The following MEI4 variants were observed in gnomAD, a reference collection of about 807,000 sequenced individuals.
The protein encoded by MEI4 is meiotic double-stranded break formation protein 4.
MEI4 carries 27 observed loss-of-function variants against 31.4 expected under a neutral mutation model. The observed-to-expected ratio is 0.86, with a 90% CI of 0.63 to 1.19. MEI4 has a LOEUF of 1.19. MEI4 is among the 50% of genes most tolerant of loss of function. MEI4 has a pLI of 0.00. For missense variants in MEI4, 329 were observed against 398.9 expected (o/e 0.82, Z 1.49); for synonymous variants, 122 against 145.4 (o/e 0.84, Z 1.16).
At chr6:77,875,355 A>C (rs1205759896) in intron 4 of MEI4, among the ~76,000 whole-genome samples, 1 of 152,258 alleles carries the variant, frequency 6.6e-6, no homozygotes, top group African/African-American at 2.4e-5. Context: ...TTTATGTAGC[A>C]TATAGTAGCC....
At position 77,853,484 on chromosome 6, in the gene MEI4, A is replaced by G. The variant is rs146018746; in HGVS notation, c.900+24422A>G. ...GTGGCCTTAGGAAAAAATGGCATTT[A>G]ATATCTTTAACTCTCAGTTCTTTTG... On this transcript the variant is annotated intron_variant, in intron 4 of 4. Coordinates refer to ENST00000684080, the MANE Select transcript of MEI4 (RefSeq NM_001322247.2). Among the ~76,000 whole-genome samples, 211 of 152,336 alleles carry G rather than the reference A, an allele frequency of 1.4e-3. 1 individual carries two copies. Among genetic ancestry groups the G allele is most frequent in the African/African-American group, 4.4e-3 (185 of 41,578 alleles).
chr6:77,700,010 T>C (rs548137628), intron 2 of MEI4, among the ~76,000 whole-genome samples: 8 of 152,290 alleles, frequency 5.3e-5, no homozygotes, highest in Admixed American at 1.3e-4. Context: ...GCCCCTACTG[T>C]GGGGTGCCTC....
At chr6:77,790,537 C>G (rs1283817938) in intron 3 of MEI4, among the ~76,000 whole-genome samples, 1 of 151,526 alleles carries the variant, frequency 6.6e-6, no homozygotes. Flanking sequence ...CAAACCTGCA[C>G]ATGTACTTCC....
chr6:77,687,747 A>T (rs1298030748), intron 1 of MEI4, among the ~76,000 whole-genome samples: 1 of 152,104 alleles, frequency 6.6e-6, no homozygotes, highest in African/African-American at 2.4e-5. Context: ...GGAGAGATGC[A>T]TAGGGCCATG....
chr6:77,825,096 ATC>A (rs1769913395), intron 3 of MEI4, among the ~76,000 whole-genome samples: 2 of 152,274 alleles, frequency 1.3e-5, no homozygotes, highest in Admixed American at 1.3e-4. Context: ...AATTTGATGT[ATC>A]TGATATTAGA....
At chr6:77,767,100 G>A (rs990877813) in intron 3 of MEI4, among the ~76,000 whole-genome samples, 1 of 152,032 alleles carries the variant, frequency 6.6e-6, no homozygotes, top group African/African-American at 2.4e-5. Flanking sequence ...ACAAACAAAC[G>A]GCTGGGCGCG....
intron 3 of MEI4, among the ~76,000 whole-genome samples, chr6:77,794,522 A>C (rs1769027968): frequency 6.6e-6 from 1 of 152,208 alleles, no homozygotes; most frequent in Non-Finnish European, 1.5e-5. Context: ...GGACGGCGCC[A>C]CTGCACTCCA....
At chr6:77,752,172 G>A (rs1237506620) in intron 2 of MEI4, among the ~76,000 whole-genome samples, 1 of 152,098 alleles carries the variant, frequency 6.6e-6, no homozygotes, top group East Asian at 1.9e-4. Context: ...ATACTGAATG[G>A]GCAAAAACTA....
intron 2 of MEI4, among the ~76,000 whole-genome samples, chr6:77,760,814 T>C (rs1371904350): frequency 2.0e-5 from 3 of 152,216 alleles, no homozygotes; most frequent in Admixed American, 1.3e-4. Context: ...ACTACCAGAC[T>C]GTGACCTCCT....
At chr6:77,793,601 A>C (rs749901115) in intron 3 of MEI4, among the ~76,000 whole-genome samples, 1 of 152,226 alleles carries the variant, frequency 6.6e-6, no homozygotes, top group African/African-American at 2.4e-5. Context: ...ATGGATACAC[A>C]GTATGAAATA....
At chr6:77,757,823 G>A (rs1266889081) in intron 2 of MEI4, among the ~76,000 whole-genome samples, 1 of 152,078 alleles carries the variant, frequency 6.6e-6, no homozygotes, top group Non-Finnish European at 1.5e-5. Flanking sequence ...GTCATTTTCA[G>A]TGTCTATTCA....
At chr6:77,907,738 T>C (rs1050149780) in intron 4 of MEI4, among the ~76,000 whole-genome samples, 1 of 152,170 alleles carries the variant, frequency 6.6e-6, no homozygotes. Context: ...ACTGCCACAA[T>C]GGTTGAACTA....
At chr6:77,890,693 A>T (rs2127731916) in intron 4 of MEI4, among the ~76,000 whole-genome samples, 1 of 152,242 alleles carries the variant, frequency 6.6e-6, no homozygotes, top group South Asian at 2.1e-4. Flanking sequence ...CTATGTCCCC[A>T]CCCAAATCTA....
chr6:77,795,591 A>G (rs977734479), intron 3 of MEI4, among the ~76,000 whole-genome samples: 3 of 152,164 alleles, frequency 2.0e-5, no homozygotes, highest in Non-Finnish European at 4.4e-5. Context: ...ATGAACAAGG[A>G]GACATTACCA....
At chr6:77,890,815 T>C (rs1771748531) in intron 4 of MEI4, among the ~76,000 whole-genome samples, 1 of 152,124 alleles carries the variant, frequency 6.6e-6, no homozygotes, top group Non-Finnish European at 1.5e-5. Context: ...AGTGAATGAG[T>C]TCTCACAAGA....
intron 3 of MEI4, among the ~76,000 whole-genome samples, chr6:77,811,464 A>C (rs1292687785): frequency 6.6e-6 from 1 of 152,214 alleles, no homozygotes; most frequent in Non-Finnish European, 1.5e-5. Flanking sequence ...AATATTCCAT[A>C]AAAGAGCACT....
At chr6:77,785,722 T>G (rs948858971) in intron 3 of MEI4, among the ~76,000 whole-genome samples, 1 of 151,980 alleles carries the variant, frequency 6.6e-6, no homozygotes, top group African/African-American at 2.4e-5. Context: ...GAGTAGAGAT[T>G]TCAGTTTGCT....
intron 2 of MEI4, among the ~76,000 whole-genome samples, chr6:77,734,813 C>A (rs1049502244): frequency 2.0e-5 from 3 of 151,380 alleles, no homozygotes; most frequent in Non-Finnish European, 2.9e-5. Flanking sequence ...TTCAGGAGCT[C>A]TTTTAGGGCA....
intron 3 of MEI4, among the ~76,000 whole-genome samples, chr6:77,792,714 A>C (rs983901295): frequency 6.7e-6 from 1 of 148,632 alleles, no homozygotes; most frequent in Non-Finnish European, 1.5e-5. Flanking sequence ...TTTTCCCAAC[A>C]CTATTTTTTT....
Sources: gnomAD v4.1 joint callset for allele counts (sites outside exome capture counted in the v4.1 genomes callset) on GRCh38, gnomAD v4.1.1 for gene constraint, MANE v1.5 for transcripts, NCBI Gene and HGNC (gene_info 2026-07-23, HGNC 2026-07-21) for gene names.